The following NRG3 variants were observed in gnomAD, a reference collection of about 807,000 sequenced individuals.
The protein encoded by NRG3 is pro-neuregulin-3, membrane-bound isoform.
NRG3 carries 31 observed loss-of-function variants against 66.9 expected under a neutral mutation model. The ratio of observed to expected loss-of-function variants is 0.46; its 90% CI spans 0.35 to 0.63. NRG3 has a LOEUF of 0.63. NRG3 is among the 20% of genes least tolerant of loss of function. NRG3 has a pLI of 0.00. For missense variants in NRG3, 910 were observed against 878.9 expected, an observed-to-expected ratio of 1.04 and a Z score of -0.45; for synonymous variants, 393 against 359.4, an observed-to-expected ratio of 1.09 and a Z score of -1.06.
chr10:82,466,002 A>G (rs1387939702), intron 2 of NRG3, among the ~76,000 whole-genome samples: 2 of 152,130 alleles, frequency 1.3e-5, no homozygotes, highest in Non-Finnish European at 2.9e-5. Context: ...GTGATTGCCC[A>G]GGCACTCATG....
At chr10:82,349,298 C>G (rs1293812000) in intron 1 of NRG3, among the ~76,000 whole-genome samples, 1 of 152,066 alleles carries the variant, frequency 6.6e-6, no homozygotes, top group Non-Finnish European at 1.5e-5. Context: ...GGACCCTCAG[C>G]TGCAGGTCTG....
intron 1 of NRG3, among the ~76,000 whole-genome samples, chr10:82,315,698 C>T (rs1316174503): frequency 2.7e-5 from 4 of 147,682 alleles, no homozygotes; most frequent in Non-Finnish European, 5.9e-5. Flanking sequence ...CGGAGTCTCA[C>T]TCTGTCGCCG....
intron 2 of NRG3, among the ~76,000 whole-genome samples, chr10:82,665,907 G>T (rs73297779): frequency 0.025 from 3,729 of 152,166 alleles, 146 homozygotes; most frequent in African/African-American, 0.085. Flanking sequence ...CTGTTGCACA[G>T]GATGAGTACA....
chr10:82,344,781 T>C (rs1425054827), intron 1 of NRG3, among the ~76,000 whole-genome samples: 9 of 131,230 alleles, frequency 6.9e-5, no homozygotes, highest in Non-Finnish European at 1.4e-4. Context: ...TGGTATCTCA[T>C]TGTGGTTTTG....
intron 3 of NRG3, among the ~76,000 whole-genome samples, chr10:82,852,353 A>G (rs979294492): frequency 6.6e-6 from 1 of 152,146 alleles, no homozygotes; most frequent in African/African-American, 2.4e-5. Context: ...CACGGGGCTT[A>G]AAACCTAGAT....
At chr10:81,995,595 AT>A (rs2060908136) in intron 1 of NRG3, among the ~76,000 whole-genome samples, 1 of 152,204 alleles carries the variant, frequency 6.6e-6, no homozygotes, top group African/African-American at 2.4e-5. Flanking sequence ...GGCTCCCTTG[AT>A]TTAACTTGTG....
chr10:82,085,797 C>A (rs149642686), intron 1 of NRG3, among the ~76,000 whole-genome samples: 1 of 151,878 alleles, frequency 6.6e-6, no homozygotes, highest in African/African-American at 2.4e-5. Flanking sequence ...CCATCAGGCC[C>A]GGCTAATTTT....
intron 2 of NRG3, among the ~76,000 whole-genome samples, chr10:82,616,439 G>T (rs996649562): frequency 6.6e-6 from 1 of 152,028 alleles, no homozygotes; most frequent in Admixed American, 6.6e-5. Context: ...GCTGCTTTTG[G>T]CTAGAGGTAA....
intron 2 of NRG3, among the ~76,000 whole-genome samples, chr10:82,728,512 G>A (rs2057731120): frequency 6.6e-6 from 1 of 152,130 alleles, no homozygotes; most frequent in African/African-American, 2.4e-5. Context: ...CTTGCCTTCT[G>A]CCATGATTGT....
intron 2 of NRG3, among the ~76,000 whole-genome samples, chr10:82,538,291 C>T (rs756796575): frequency 6.6e-6 from 1 of 152,158 alleles, no homozygotes; most frequent in Non-Finnish European, 1.5e-5. Context: ...AGAATGTGAA[C>T]TATTCACCTT....
intron 1 of NRG3, among the ~76,000 whole-genome samples, chr10:81,887,456 T>A (rs560081067): frequency 6.6e-6 from 1 of 152,150 alleles, no homozygotes; most frequent in Admixed American, 6.6e-5. Flanking sequence ...ATTCCAAGGA[T>A]CAAATGAAAA....
At chr10:82,721,515 C>T (rs574940702) in intron 2 of NRG3, among the ~76,000 whole-genome samples, 2 of 152,158 alleles carry the variant, frequency 1.3e-5, no homozygotes, top group East Asian at 1.9e-4. Flanking sequence ...CTCCACCTCC[C>T]GGGTTCTGTC....
chr10:82,337,195 T>C (rs187104217), intron 1 of NRG3, among the ~76,000 whole-genome samples: 4 of 152,358 alleles, frequency 2.6e-5, no homozygotes, highest in Non-Finnish European at 2.9e-5. Flanking sequence ...TGGCAACCAC[T>C]AATTTATTTT....
intron 2 of NRG3, among the ~76,000 whole-genome samples, chr10:82,521,734 C>T (rs1197878631): frequency 6.6e-6 from 1 of 152,128 alleles, no homozygotes; most frequent in South Asian, 2.1e-4. Flanking sequence ...GACGCCCTTT[C>T]GTACCATTTT....
chr10:81,905,238 G>T (rs1312368321), intron 1 of NRG3, among the ~76,000 whole-genome samples: 5 of 152,130 alleles, frequency 3.3e-5, no homozygotes, highest in Non-Finnish European at 7.4e-5. Flanking sequence ...TTAGTTCATG[G>T]ATTCTGTCAT....
chr10:82,098,313 T>A lies in NRG3; in HGVS notation c.823+222150T>A, dbSNP rs1046615116. On this transcript the variant is annotated intron_variant, in intron 1 of 8. Transcript: ENST00000372141. ...TATATATATGTCATATATATAGATA[T>A]AGATGTCATCTATATATATGACATA... 2.0e-5 allele frequency among the ~76,000 whole-genome samples: 3 copies of A among 150,994 alleles called. No individual in the cohort carries two copies. The East Asian group carries it at 5.8e-4, about 29-fold the overall frequency.
chr10:82,183,167 T>G (rs1368325845), intron 1 of NRG3, among the ~76,000 whole-genome samples: 1 of 151,982 alleles, frequency 6.6e-6, no homozygotes, highest in Non-Finnish European at 1.5e-5. Context: ...TCTCCAGATT[T>G]GTGATGTTTT....
chr10:82,349,930 C>T (rs149609908), intron 1 of NRG3, among the ~76,000 whole-genome samples: 4,083 of 152,246 alleles, frequency 0.027, 180 homozygotes, highest in African/African-American at 0.091. Flanking sequence ...GGCTCGCGCA[C>T]GGTGCGCGCA....
chr10:82,179,333 CA>C (rs1329765197), intron 1 of NRG3, among the ~76,000 whole-genome samples: 1 of 151,948 alleles, frequency 6.6e-6, no homozygotes, highest in Non-Finnish European at 1.5e-5. Context: ...AGAATAATGT[CA>C]TGAAGCTTTT....
Sources: gnomAD v4.1 joint callset for allele counts (sites outside exome capture counted in the v4.1 genomes callset) on GRCh38, gnomAD v4.1.1 for gene constraint, MANE v1.5 for transcripts, NCBI Gene and HGNC (gene_info 2026-07-23, HGNC 2026-07-21) for gene names.